Variants in NDE1 observed in about 807,000 individuals in gnomAD.
NDE1 encodes the protein nuclear distribution protein nudE homolog 1.
In NDE1, 28 loss-of-function variants were observed where a neutral mutation model predicts 43.4. The observed-to-expected ratio is 0.65, with a 90% CI of 0.48 to 0.89. NDE1 has a LOEUF of 0.89. NDE1 is among the 40% of genes least tolerant of loss of function. NDE1 has a pLI of 0.00. For synonymous variants in NDE1, 184 were observed against 172.0 expected (o/e 1.07, Z -0.55); for missense variants, 441 against 434.1 (o/e 1.02, Z -0.14).
intron 8 of NDE1, chr16:15,717,260 T>C: frequency 6.2e-7 from 1 of 1,614,118 alleles, no homozygotes; most frequent in Non-Finnish European, 8.5e-7. Flanking sequence ...CCGGAGCTCC[T>C]TGTTCTGCCG....
intron 8 of NDE1, chr16:15,720,781 G>T: frequency 6.5e-7 from 1 of 1,532,966 alleles, no homozygotes; most frequent in Non-Finnish European, 9.0e-7. Context: ...TGAGAGTGGT[G>T]ATAGGAATGA....
chr16:15,667,074 C>T (rs1426312931), intron 2 of NDE1, among the ~76,000 whole-genome samples: 2 of 152,014 alleles, frequency 1.3e-5, no homozygotes, highest in Non-Finnish European at 1.5e-5. Flanking sequence ...GGTGAAACCC[C>T]GTCACTACTA....
chr16:15,710,688 G>GTT (rs202074294), intron 8 of NDE1, among the ~76,000 whole-genome samples: 4 of 147,512 alleles, frequency 2.7e-5, no homozygotes, highest in Admixed American at 1.4e-4. Flanking sequence ...TTTGTTTTTT[G>GTT]TTTTTTTTTT....
At position 15,725,961 on chromosome 16, in the gene NDE1, C is replaced by T. The variant is rs1234399143; in HGVS notation, c.*1710C>T. 4.0e-5 allele frequency: 14 copies of T among 352,612 alleles called. No individual in the cohort carries two copies. Among genetic ancestry groups the T allele is most frequent in the Non-Finnish European group, 6.1e-5 (12 of 197,264 alleles). 21.8% of individuals were successfully genotyped at this position (352,612 alleles called of 1,614,324 possible). On this transcript the variant is annotated 3_prime_UTR_variant, in exon 9 of 9. Coordinates refer to ENST00000396354, the MANE Select transcript of NDE1 (RefSeq NM_017668.3). ...CCAACCCCACTCTGTACTATCTCCCCCTACCCCCAACCCCAGCTGGGCACT... is the reference window on the plus strand; with the variant it reads ...CCAACCCCACTCTGTACTATCTCCCTCTACCCCCAACCCCAGCTGGGCACT...
intron 3 of NDE1, chr16:15,672,830 G>T (rs1351760074): frequency 6.6e-6 from 1 of 152,166 alleles, no homozygotes; most frequent in African/African-American, 2.4e-5. Flanking sequence ...GGTGTGAGGC[G>T]ATGAGAGCCA....
chr16:15,708,685 C>G, intron 8 of NDE1: 1 of 1,130,314 alleles, frequency 8.8e-7, no homozygotes, highest in Non-Finnish European at 1.3e-6. Context: ...CCAGATTTTG[C>G]AAGAATCTCG....
intron 8 of NDE1, chr16:15,701,749 A>ACAG (rs1350002596): frequency 1.3e-5 from 2 of 152,314 alleles, no homozygotes; most frequent in African/African-American, 4.8e-5. Flanking sequence ...TTCTGGAAGA[A>ACAG]CAGCAAAAAT....
intron 1 of NDE1, among the ~76,000 whole-genome samples, chr16:15,652,606 T>G (rs1369279251): frequency 6.6e-6 from 1 of 152,210 alleles, no homozygotes; most frequent in Non-Finnish European, 1.5e-5. Flanking sequence ...CCCTGTCACT[T>G]GGTTCAGTAG....
intron 3 of NDE1, among the ~76,000 whole-genome samples, chr16:15,669,406 G>C (rs1178109060): frequency 7.0e-6 from 1 of 143,574 alleles, no homozygotes; most frequent in African/African-American, 2.6e-5. Flanking sequence ...TCTGTTGCCA[G>C]GCTGGAGTGC....
chr16:15,665,317 C>A (rs1343912041), intron 2 of NDE1, among the ~76,000 whole-genome samples: 1 of 152,112 alleles, frequency 6.6e-6, no homozygotes, highest in African/African-American at 2.4e-5. Context: ...AGAAACTGAG[C>A]CTCAGTGAAG....
rs757256443 is a variant in NDE1, at chr16:15,696,762, A to G, written c.849A>G (p.Pro283=). ...SCRNLVYDQS[P]NRTGGPASGR... ...GGAACCTCGTGTACGATCAGTCCCC[A>G]AACCGAACAGGTGGCCCAGCCTCTG... The change falls in exon 8 of 9, where the codon CCA becomes CCG. Residue 283 remains proline, a synonymous_variant. Coordinates refer to ENST00000396354, the MANE Select transcript of NDE1 (RefSeq NM_017668.3). 1 of 1,614,220 alleles carries G rather than the reference A, an allele frequency of 6.2e-7. No homozygotes were observed. The highest frequency in any genetic ancestry group is 8.5e-7 in the Non-Finnish European group (1 of 1,180,034).
upstream of NDE1, among the ~76,000 whole-genome samples, chr16:15,649,953 C>T (rs1231727472): frequency 1.3e-5 from 2 of 152,230 alleles, no homozygotes; most frequent in African/African-American, 4.8e-5. Context: ...GGCCCGCAAG[C>T]CCAAACCCGT....
At chr16:15,645,146 C>T (rs1231313161) in intron 1 of NDE1, among the ~76,000 whole-genome samples, 1 of 152,130 alleles carries the variant, frequency 6.6e-6, no homozygotes, top group Non-Finnish European at 1.5e-5. Context: ...TCTCGAACTC[C>T]TAGCCTCAAG....
Position 15,687,045 on chromosome 16 carries a change from A to G in NDE1, c.387-330A>G. On this transcript the variant is annotated intron_variant, in intron 4 of 8. Transcript: ENST00000396354. The stretch of plus-strand genomic sequence containing the variant: ...GTTGGCATTGTGAGCTTGCAAGAGA[A>G]GATGGAGCATAGTGGTCTTCTCAAA... The G allele has an allele frequency of 2.5e-6, 3 of 1,199,944 alleles. 1 individual carries two copies. The highest frequency in any genetic ancestry group is 3.4e-5 in the South Asian group (2 of 59,398). The allele number at this position is 1,199,944 out of a possible 1,614,324, so 74.3% of individuals were successfully genotyped here.
intron 3 of NDE1, among the ~76,000 whole-genome samples, chr16:15,670,680 A>G (rs2037548442): frequency 7.0e-6 from 1 of 142,822 alleles, no homozygotes; most frequent in African/African-American, 3.0e-5. Flanking sequence ...AAAGAAAGAA[A>G]AAGAAAGGAC....
At chr16:15,712,758 C>T (rs1365652093) in intron 8 of NDE1, 3 of 151,584 alleles carry the variant, frequency 2.0e-5, no homozygotes, top group Non-Finnish European at 4.4e-5. Flanking sequence ...AGGCCAGAGG[C>T]ATGATGGACT....
In NDE1 at chr16:15,687,394, G is replaced by A. The variant is rs776712861; in HGVS notation, c.406G>A (p.Glu136Lys). The A allele has an allele frequency of 3.1e-6, 5 of 1,614,156 alleles. No individual in the cohort carries two copies. The highest frequency in any genetic ancestry group is 2.2e-5 in the East Asian group (1 of 44,882). The change falls in exon 5 of 9, where the codon GAA (glutamate) becomes AAA (lysine). Residue 136 changes from glutamate to lysine, a missense_variant. By Grantham distance (56) the Glu-to-Lys change is moderately conservative. Coordinates refer to ENST00000396354, the MANE Select transcript of NDE1 (RefSeq NM_017668.3). The part of the protein sequence containing the change: ...RAKRATIMSL[E>K]DFEQRLNQAI... Reference sequence around the variant, plus strand: ...CGCCAGCGCCACGATCATGTCTCTCGAAGACTTTGAGCAGCGCTTGAATCA... The same window carrying A: ...CGCCAGCGCCACGATCATGTCTCTCAAAGACTTTGAGCAGCGCTTGAATCA...
At chr16:15,672,859 G>A (rs1463909540) in intron 3 of NDE1, 1 of 152,196 alleles carries the variant, frequency 6.6e-6, no homozygotes, top group Non-Finnish European at 1.5e-5. Flanking sequence ...AACAGGGCCT[G>A]GTCTGCCTCT....
chr16:15,695,203 C>CTTTTTTT (rs71134451), intron 7 of NDE1, among the ~76,000 whole-genome samples: 81 of 79,664 alleles, frequency 1.0e-3, no homozygotes, highest in African/African-American at 4.1e-3. Flanking sequence ...AAACTGCCAC[C>CTTTTTTT]TTTTTTTTTT....
Sources: allele counts gnomAD v4.1 joint callset (sites outside exome capture counted in the v4.1 genomes callset), GRCh38; gene constraint gnomAD v4.1.1; transcripts MANE v1.5; gene names NCBI Gene and HGNC (gene_info 2026-07-23, HGNC 2026-07-21).